SLC24A3: variants seen among roughly 807,000 people sequenced by gnomAD.
SLC24A3 encodes the protein solute carrier family 24 member 3.
In SLC24A3, 28 loss-of-function variants were observed where a neutral mutation model predicts 75.8. The ratio of observed to expected loss-of-function variants is 0.37; its 90% CI spans 0.27 to 0.51. The LOEUF is 0.51. Among genes scored for constraint, SLC24A3 ranks in the 20% least tolerant of loss-of-function variants. The pLI, the probability that SLC24A3 is intolerant of heterozygous loss-of-function variation, is 0.94. For synonymous variants in SLC24A3, 372 were observed against 334.1 expected (o/e 1.11, Z -1.24); for missense variants, 663 against 847.8 (o/e 0.78, Z 2.71).
At chr20:19,474,351 T>G (rs1316011171) in intron 2 of SLC24A3, among the ~76,000 whole-genome samples, 1 of 152,206 alleles carries the variant, frequency 6.6e-6, no homozygotes, top group East Asian at 1.9e-4. Flanking sequence ...GCAAGAAGAC[T>G]GCACAACCCG....
chr20:19,572,844 T>C (rs2031074843), intron 3 of SLC24A3, among the ~76,000 whole-genome samples: 1 of 152,134 alleles, frequency 6.6e-6, no homozygotes, highest in South Asian at 2.1e-4. Flanking sequence ...CACCTTGTCC[T>C]CATGGGGCTA....
chr20:19,316,875 G>A (rs1473017354), intron 2 of SLC24A3, among the ~76,000 whole-genome samples: 1 of 152,152 alleles, frequency 6.6e-6, no homozygotes, highest in Non-Finnish European at 1.5e-5. Flanking sequence ...TGTGCAGGAT[G>A]TGCAGGTTTG....
At position 19,453,123 on chromosome 20, in the gene SLC24A3, T is replaced by A. The variant is rs530685451; in HGVS notation, c.272-62365T>A. Among the ~76,000 whole-genome samples, 10 of 152,206 alleles carry A rather than the reference T, an allele frequency of 6.6e-5. 1 individual carries two copies. Among genetic ancestry groups the A allele is most frequent in the African/African-American group, 2.4e-4 (10 of 41,532 alleles). ...TGAACCTAGGAGGCAGAGGTTGCAG[T>A]GACCCGAGATCGCACCACTGCACTC... is the stretch of plus-strand genomic sequence containing the variant. On this transcript the variant is annotated intron_variant, in intron 2 of 16. Transcript: ENST00000328041.
At chr20:19,233,867 GTTTC>G (rs1420945280) in intron 1 of SLC24A3, among the ~76,000 whole-genome samples, 1 of 152,144 alleles carries the variant, frequency 6.6e-6, no homozygotes, top group Non-Finnish European at 1.5e-5. Flanking sequence ...TCTGTTCTCA[GTTTC>G]TTTATCTATA....
At position 19,511,833 on chromosome 20, in the gene SLC24A3, A is replaced by G. The variant is rs116355141; in HGVS notation, c.272-3655A>G. Reference sequence around the variant, plus strand: ...ATGAAAAAGTGGTCAGAGTGGGTGGATATCAGGTGAAGTTTGCTAGGTGAG... The same window carrying G: ...ATGAAAAAGTGGTCAGAGTGGGTGGGTATCAGGTGAAGTTTGCTAGGTGAG... On this transcript the variant is annotated intron_variant, in intron 2 of 16. Coordinates refer to ENST00000328041, the MANE Select transcript of SLC24A3 (RefSeq NM_020689.4). Among the ~76,000 whole-genome samples, 521 of 151,568 alleles carry G rather than the reference A, an allele frequency of 3.4e-3. 5 individuals are homozygous for G. Among genetic ancestry groups the G allele is most frequent in the African/African-American group, 0.012 (490 of 41,404 alleles).
intron 1 of SLC24A3, among the ~76,000 whole-genome samples, chr20:19,272,501 C>T (rs1426571593): frequency 6.6e-6 from 1 of 152,246 alleles, no homozygotes; most frequent in Admixed American, 6.5e-5. Flanking sequence ...CTGCCTGTCT[C>T]ACAAGCTTGC....
At chr20:19,503,839 C>G (rs539870112) in intron 2 of SLC24A3, among the ~76,000 whole-genome samples, 6 of 152,148 alleles carry the variant, frequency 3.9e-5, no homozygotes, top group Non-Finnish European at 5.9e-5. Context: ...ATACCAAATA[C>G]CTTCAAGCAG....
chr20:19,526,040 C>T (rs1021503206), intron 3 of SLC24A3, among the ~76,000 whole-genome samples: 1 of 152,152 alleles, frequency 6.6e-6, no homozygotes, highest in African/African-American at 2.4e-5. Flanking sequence ...CTTTGACACT[C>T]CACCTGGAAT....
At chr20:19,364,874 G>A (rs145224478) in intron 2 of SLC24A3, among the ~76,000 whole-genome samples, 4 of 152,134 alleles carry the variant, frequency 2.6e-5, no homozygotes, top group African/African-American at 9.7e-5. Context: ...CAAGAAACTA[G>A]GCCCTACCAG....
intron 3 of SLC24A3, among the ~76,000 whole-genome samples, chr20:19,579,530 A>C (rs2031188818): frequency 6.6e-6 from 1 of 152,264 alleles, no homozygotes. Flanking sequence ...ATATGACATC[A>C]TATCCTCATG....
At chr20:19,640,253 T>C (rs535983333) in intron 6 of SLC24A3, among the ~76,000 whole-genome samples, 39 of 152,280 alleles carry the variant, frequency 2.6e-4, no homozygotes, top group African/African-American at 9.4e-4. Flanking sequence ...TAACAAGACA[T>C]CAATACAAAA....
chr20:19,312,625 T>C (rs976393545), intron 2 of SLC24A3, among the ~76,000 whole-genome samples: 2 of 152,234 alleles, frequency 1.3e-5, no homozygotes, highest in Non-Finnish European at 2.9e-5. Flanking sequence ...ACCAGTGAGA[T>C]ACACTTTACA....
chr20:19,231,708 G>T (rs1982027970), intron 1 of SLC24A3, among the ~76,000 whole-genome samples: 1 of 152,208 alleles, frequency 6.6e-6, no homozygotes, highest in Admixed American at 6.5e-5. Flanking sequence ...GCTGTTGAAA[G>T]CCAGTAAGTT....
chr20:19,451,873 T>C (rs184091090), intron 2 of SLC24A3, among the ~76,000 whole-genome samples: 126 of 152,258 alleles, frequency 8.3e-4, no homozygotes, highest in African/African-American at 2.3e-3. Context: ...TCTGTTTTTT[T>C]CCCCTAGCAG....
At chr20:19,451,252 A>G (rs925718345) in intron 2 of SLC24A3, among the ~76,000 whole-genome samples, 8 of 152,200 alleles carry the variant, frequency 5.3e-5, no homozygotes, top group African/African-American at 1.9e-4. Flanking sequence ...TAGTGGCAGG[A>G]TATCAGCACC....
intron 15 of SLC24A3, among the ~76,000 whole-genome samples, chr20:19,705,492 T>C (rs1165856402): frequency 6.6e-6 from 1 of 152,174 alleles, no homozygotes; most frequent in Non-Finnish European, 1.5e-5. Context: ...CTAGGGCTTA[T>C]TTGCTTGAGA....
intron 1 of SLC24A3, chr20:19,244,186 C>T (rs1982416152): frequency 6.6e-6 from 1 of 152,186 alleles, no homozygotes; most frequent in Non-Finnish European, 1.5e-5. Flanking sequence ...ATCCTAATAG[C>T]TTCTGCATTC....
chr20:19,299,131 G>A (rs959483981), intron 2 of SLC24A3, among the ~76,000 whole-genome samples: 10 of 151,948 alleles, frequency 6.6e-5, no homozygotes, highest in African/African-American at 2.4e-4. Context: ...AGTTGGGGTG[G>A]AAAGCTCATC....
chr20:19,536,796 A>T (rs1005569330), intron 3 of SLC24A3, among the ~76,000 whole-genome samples: 2 of 152,202 alleles, frequency 1.3e-5, no homozygotes, highest in Non-Finnish European at 2.9e-5. Context: ...TATTTAATAA[A>T]TGGTGCTGGG....
Sources: allele counts gnomAD v4.1 joint callset (sites outside exome capture counted in the v4.1 genomes callset), GRCh38; gene constraint gnomAD v4.1.1; transcripts MANE v1.5; gene names NCBI Gene and HGNC (gene_info 2026-07-23, HGNC 2026-07-21).